AFAP1: variants seen among roughly 807,000 people sequenced by gnomAD.
AFAP1 encodes the protein actin filament associated protein 1.
A neutral mutation model predicts 93.9 loss-of-function variants in AFAP1; 75 were observed. That is an observed-to-expected ratio of 0.80 (90% CI 0.66 to 0.97). The LOEUF (loss-of-function observed/expected upper bound fraction) is 0.97, where lower values mean the gene tolerates loss of function less well. AFAP1 is among the 50% of genes least tolerant of loss of function. AFAP1 has a pLI of 0.00. For synonymous variants in AFAP1, 517 were observed against 430.7 expected, an observed-to-expected ratio of 1.20 and a Z score of -2.48; for missense variants, 1,201 against 1,050.8, an observed-to-expected ratio of 1.14 and a Z score of -1.98.
intron 1 of AFAP1, among the ~76,000 whole-genome samples, chr4:7,891,111 T>C (rs753668351): frequency 8.5e-5 from 13 of 152,084 alleles, no homozygotes; most frequent in Non-Finnish European, 1.5e-4. Context: ...AATAAACTAC[T>C]CACACACATA....
At chr4:7,792,990 T>A (rs938930688) in intron 11 of AFAP1, among the ~76,000 whole-genome samples, 3 of 152,174 alleles carry the variant, frequency 2.0e-5, no homozygotes, top group Non-Finnish European at 4.4e-5. Context: ...AAGGAAACAA[T>A]GTCTTAGTAT....
chr4:7,925,201 G>A (rs1720660790), intron 1 of AFAP1, among the ~76,000 whole-genome samples: 1 of 152,138 alleles, frequency 6.6e-6, no homozygotes, highest in South Asian at 2.1e-4. Context: ...GCTTCTCTCT[G>A]TATGACCAAG....
chr4:7,873,774 G>A (rs977163110), intron 1 of AFAP1, among the ~76,000 whole-genome samples: 3 of 152,122 alleles, frequency 2.0e-5, no homozygotes, highest in Admixed American at 6.5e-5. Flanking sequence ...CAAGCCACCC[G>A]AAGCCACTTG....
At chr4:7,775,172 G>T in intron 14 of AFAP1, 1 of 365,166 alleles carries the variant, frequency 2.7e-6, no homozygotes, top group South Asian at 5.2e-5. Flanking sequence ...GCAGATAATG[G>T]GGTAACTCAA....
chr4:7,913,958 T>G (rs898306965), intron 1 of AFAP1, among the ~76,000 whole-genome samples: 1 of 152,246 alleles, frequency 6.6e-6, no homozygotes. Context: ...GTAATGTATG[T>G]GATCAGAGTA....
At chr4:7,782,240 C>T (rs144743333) in intron 12 of AFAP1, among the ~76,000 whole-genome samples, 38 of 152,370 alleles carry the variant, frequency 2.5e-4, no homozygotes, top group African/African-American at 8.2e-4. Context: ...GAGGGAAGGG[C>T]GCGCTCATCC....
chr4:7,794,450 T>A (rs927289336), intron 10 of AFAP1, among the ~76,000 whole-genome samples: 1 of 152,256 alleles, frequency 6.6e-6, no homozygotes, highest in South Asian at 2.1e-4. Flanking sequence ...CTCCTCCATT[T>A]GGTCTGCTTA....
intron 17 of AFAP1, among the ~76,000 whole-genome samples, chr4:7,768,290 G>C (rs941809748): frequency 6.6e-6 from 1 of 152,216 alleles, no homozygotes; most frequent in African/African-American, 2.4e-5. Flanking sequence ...AGATTTCTGA[G>C]GTTTCAAAGG....
chr4:7,770,403 A>C (rs1715265905), intron 16 of AFAP1, among the ~76,000 whole-genome samples: 1 of 152,172 alleles, frequency 6.6e-6, no homozygotes, highest in South Asian at 2.1e-4. Context: ...GGGGGTCACC[A>C]TGATGAAAGC....
intron 1 of AFAP1, among the ~76,000 whole-genome samples, chr4:7,879,397 C>T (rs964684970): frequency 6.6e-6 from 1 of 152,194 alleles, no homozygotes; most frequent in African/African-American, 2.4e-5. Context: ...ACACGTGAAC[C>T]ACCTCCTCTG....
At chr4:7,770,693 G>A (rs551049629) in intron 16 of AFAP1, among the ~76,000 whole-genome samples, 3 of 152,286 alleles carry the variant, frequency 2.0e-5, no homozygotes, top group South Asian at 2.1e-4. Flanking sequence ...TGGAGGTCAG[G>A]AAGGATGAGA....
chr4:7,868,819 C>T, intron 2 of AFAP1, 100 bp from the exon 3 acceptor site: 1 of 1,009,870 alleles, frequency 9.9e-7, no homozygotes, highest in South Asian at 1.4e-5. Context: ...GAACACTTTG[C>T]AAATATTTAT....
chr4:7,838,518 A>C lies in AFAP1; in HGVS notation c.726+6T>G, dbSNP rs1388927664. On this transcript the variant is annotated splice_donor_region_variant and intron_variant, in intron 6 of 17. Coordinates refer to ENST00000420658, the MANE Select transcript of AFAP1 (RefSeq NM_001134647.2). The stretch of plus-strand genomic sequence containing the variant: ...AAATGGCTGTGAAACACAGCAGACA[A>C]CCTACCTTCAGCCACTGCTCGGCCT... 2 of 1,610,824 alleles carry C rather than the reference A, an allele frequency of 1.2e-6. No individual in the cohort carries two copies. Among genetic ancestry groups the C allele is most frequent in the African/African-American group, 2.7e-5 (2 of 74,816 alleles).
intron 8 of AFAP1, among the ~76,000 whole-genome samples, chr4:7,811,320 G>C (rs885260): frequency 0.21 from 31,248 of 149,956 alleles, 4,210 homozygotes; most frequent in Non-Finnish European, 0.31. Flanking sequence ...CACCCCCACC[G>C]CAGGAACAAA....
At chr4:7,921,995 T>C (rs910185334) in intron 1 of AFAP1, among the ~76,000 whole-genome samples, 4 of 152,104 alleles carry the variant, frequency 2.6e-5, no homozygotes, top group African/African-American at 7.2e-5. Flanking sequence ...TGGTGGTGCA[T>C]GCCTGTGGTC....
In AFAP1 at chr4:7,838,652, C is replaced by A; in HGVS notation, c.598G>T (p.Gly200Cys). 3.1e-6 allele frequency: 5 copies of A among 1,614,098 alleles called. No homozygotes were observed. Among genetic ancestry groups the A allele is most frequent in the Non-Finnish European group, 4.2e-6 (5 of 1,180,028 alleles). The change falls in exon 6 of 18, where the codon GGC (glycine) becomes TGC (cysteine). Residue 200 changes from glycine to cysteine, a missense_variant. By Grantham distance (159) the Gly-to-Cys change is radical. Transcript: ENST00000420658. ...TTCGGGATGTACGTAATGTTACAGC[C>A]TTGGAGTGGCAGTTCCATCTGAGGC... is the stretch of plus-strand genomic sequence containing the variant. ...QQPQMELPLQ[G>C]CNITYIPKDS...
At position 7,759,195 on chromosome 4, in the gene AFAP1, A is replaced by T. The variant is rs1018431395; in HGVS notation, c.*4570T>A. On this transcript the variant is annotated 3_prime_UTR_variant, in exon 18 of 18. Coordinates refer to ENST00000420658, the MANE Select transcript of AFAP1 (RefSeq NM_001134647.2). ...TTCTTGTTAGAAAATCAAAAAGATT[A>T]TCTCATTAAAAACACCTTTGGTCCT... 4 of 152,694 alleles carry T rather than the reference A, an allele frequency of 2.6e-5. No homozygotes were observed. Among genetic ancestry groups the T allele is most frequent in the African/African-American group, 9.6e-5 (4 of 41,470 alleles). 9.5% of individuals were successfully genotyped at this position (152,694 alleles called of 1,614,324 possible). A position where few individuals can be genotyped will look rare whatever the true frequency, so the allele number is the denominator to read the frequency against.
At chr4:7,887,967 C>G (rs1718228200) in intron 1 of AFAP1, among the ~76,000 whole-genome samples, 1 of 152,152 alleles carries the variant, frequency 6.6e-6, no homozygotes. Flanking sequence ...GCTGGGATTA[C>G]AGGCACGCGC....
chr4:7,852,226 A>C (rs1714519916), intron 4 of AFAP1, among the ~76,000 whole-genome samples: 1 of 152,144 alleles, frequency 6.6e-6, no homozygotes, highest in Non-Finnish European at 1.5e-5. Context: ...AAGGGGTGAA[A>C]CGAGAGGAGC....
Sources: gnomAD v4.1 joint callset for allele counts (sites outside exome capture counted in the v4.1 genomes callset) on GRCh38, gnomAD v4.1.1 for gene constraint, MANE v1.5 for transcripts, NCBI Gene and HGNC (gene_info 2026-07-23, HGNC 2026-07-21) for gene names.